Variants in SPAG16 observed in about 807,000 individuals in gnomAD.
The protein encoded by SPAG16 is sperm associated antigen 16.
A neutral mutation model predicts 80.4 loss-of-function variants in SPAG16; 86 were observed. The ratio of observed to expected loss-of-function variants is 1.07; its 90% CI spans 0.90 to 1.28. The LOEUF is 1.28. Among genes scored for constraint, SPAG16 ranks in the 50% most tolerant of loss-of-function variants. The probability of loss-of-function intolerance (pLI) is 0.00; values close to 1 mark genes in which losing one functional copy is unlikely to be tolerated. For synonymous variants in SPAG16, 294 were observed against 265.9 expected, an observed-to-expected ratio of 1.11 and a Z score of -1.03; for missense variants, 870 against 765.3, an observed-to-expected ratio of 1.14 and a Z score of -1.61.
intron 9 of SPAG16, among the ~76,000 whole-genome samples, chr2:213,434,748 A>G (rs537843640): frequency 5.9e-5 from 9 of 152,246 alleles, no homozygotes; most frequent in African/African-American, 1.4e-4. Context: ...TAAAACCACA[A>G]TGATATGTCA....
rs557015668 is a variant in SPAG16 at position 213,423,364 on chromosome 2, T to G, written c.942+48245T>G. On this transcript the variant is annotated intron_variant, in intron 9 of 15. Coordinates refer to ENST00000331683, the MANE Select transcript of SPAG16 (RefSeq NM_024532.5). Reference sequence around the variant, plus strand: ...TAAACAAATATGTAATTAAGAAATATTTTTAAATAGGGTTAGGTTACCTTA... The same window carrying G: ...TAAACAAATATGTAATTAAGAAATAGTTTTAAATAGGGTTAGGTTACCTTA... Among the ~76,000 whole-genome samples, 3 of 152,310 alleles carry G rather than the reference T, an allele frequency of 2.0e-5. No individual in the cohort carries two copies. In the South Asian group the frequency reaches 6.2e-4, roughly 32 times the overall value.
At chr2:214,228,690 A>G (rs1349627193) in intron 15 of SPAG16, among the ~76,000 whole-genome samples, 3 of 151,888 alleles carry the variant, frequency 2.0e-5, no homozygotes, top group East Asian at 1.9e-4. Flanking sequence ...TTTGACCTCA[A>G]ACTGATTCTG....
rs554238358 is a variant in SPAG16, at chr2:213,991,065, T to C, written c.1401-22886T>C. Among the ~76,000 whole-genome samples the C allele has an allele frequency of 3.9e-5, 6 of 152,232 alleles. No homozygotes were observed. The East Asian group carries it at 1.2e-3, about 29-fold the overall frequency. On this transcript the variant is annotated intron_variant, in intron 12 of 15. Coordinates refer to ENST00000331683, the MANE Select transcript of SPAG16 (RefSeq NM_024532.5). The stretch of plus-strand genomic sequence containing the variant: ...ACATGTGCAGAACGTGCAGGTTTGC[T>C]ACGTAGGTATACACGTGCCATGGTG...
chr2:214,066,463 T>C (rs1397730751), intron 13 of SPAG16, among the ~76,000 whole-genome samples: 1 of 152,178 alleles, frequency 6.6e-6, no homozygotes, highest in Non-Finnish European at 1.5e-5. Flanking sequence ...AGCATTTCCA[T>C]AAAACTTTAC....
intron 13 of SPAG16, among the ~76,000 whole-genome samples, chr2:214,085,026 G>T (rs949647830): frequency 6.6e-6 from 1 of 152,166 alleles, no homozygotes; most frequent in African/African-American, 2.4e-5. Flanking sequence ...TGGAAGAAAT[G>T]CTTCACAGAA....
chr2:214,159,050 A>G (rs2056334708), intron 15 of SPAG16, among the ~76,000 whole-genome samples: 1 of 151,982 alleles, frequency 6.6e-6, no homozygotes. Flanking sequence ...GTAACTATAC[A>G]CATCTTAGTA....
At chr2:213,399,505 T>G (rs941991526) in intron 9 of SPAG16, among the ~76,000 whole-genome samples, 6 of 152,044 alleles carry the variant, frequency 3.9e-5, no homozygotes, top group Non-Finnish European at 7.4e-5. Flanking sequence ...CTTTCATTCC[T>G]GGAATAAAAC....
chr2:214,023,917 T>C (rs1212815725), intron 13 of SPAG16, among the ~76,000 whole-genome samples: 2 of 151,758 alleles, frequency 1.3e-5, no homozygotes, highest in Admixed American at 1.3e-4. Context: ...TTAATTATAA[T>C]GACTATGTCC....
chr2:214,238,195 T>C (rs773590607), intron 15 of SPAG16: 3 of 435,990 alleles, frequency 6.9e-6, no homozygotes, highest in South Asian at 5.0e-5. Context: ...GCTTTCTTGA[T>C]GTTACCTCAA....
Position 214,118,549 on chromosome 2 carries a change from T to C in SPAG16, c.1593+10288T>C, listed in dbSNP as rs545832652. 1.2e-4 allele frequency among the ~76,000 whole-genome samples: 19 copies of C among 152,268 alleles called. No homozygotes were observed. The East Asian group carries it at 3.7e-3, about 29-fold the overall frequency. On this transcript the variant is annotated intron_variant, in intron 14 of 15. Coordinates refer to ENST00000331683, the MANE Select transcript of SPAG16 (RefSeq NM_024532.5). ...GGCAGAAGGGGAATCAAACACATCCTTCTTCACATGGTGGCGGCAGAAGTG... is the reference window on the plus strand; with the variant it reads ...GGCAGAAGGGGAATCAAACACATCCCTCTTCACATGGTGGCGGCAGAAGTG...
At chr2:214,357,157 G>GTA (rs1348192801) in intron 15 of SPAG16, among the ~76,000 whole-genome samples, 1 of 151,720 alleles carries the variant, frequency 6.6e-6, no homozygotes, top group African/African-American at 2.4e-5. Flanking sequence ...GCTACTTTAT[G>GTA]ATCTCCTTTG....
intron 15 of SPAG16, among the ~76,000 whole-genome samples, chr2:214,382,310 C>T (rs1032020730): frequency 6.6e-6 from 1 of 152,192 alleles, no homozygotes; most frequent in Non-Finnish European, 1.5e-5. Flanking sequence ...TGCATAATGG[C>T]TTTTTGTTAA....
At chr2:214,331,504 A>T (rs1224133283) in intron 15 of SPAG16, among the ~76,000 whole-genome samples, 3 of 152,206 alleles carry the variant, frequency 2.0e-5, no homozygotes, top group African/African-American at 7.2e-5. Context: ...GAAAGGAAAA[A>T]TTCTGCAATC....
At chr2:214,162,662 A>G (rs2056486616) in intron 15 of SPAG16, among the ~76,000 whole-genome samples, 1 of 152,084 alleles carries the variant, frequency 6.6e-6, no homozygotes, top group Non-Finnish European at 1.5e-5. Flanking sequence ...CCTTTCTAAT[A>G]TGCTGGTAAC....
intron 10 of SPAG16, among the ~76,000 whole-genome samples, chr2:213,809,960 T>C (rs932141835): frequency 3.3e-4 from 51 of 152,292 alleles, no homozygotes; most frequent in African/African-American, 1.2e-3. Flanking sequence ...GAGAGGTTAG[T>C]TTAGATGATA....
intron 12 of SPAG16, among the ~76,000 whole-genome samples, chr2:213,969,926 A>C (rs2044930913): frequency 1.3e-5 from 2 of 152,208 alleles, no homozygotes; most frequent in Admixed American, 6.5e-5. Context: ...AAAATGCCTT[A>C]GACTGAGTAA....
At chr2:213,442,720 AAAAT>A (rs1210463827) in intron 9 of SPAG16, among the ~76,000 whole-genome samples, 2 of 152,192 alleles carry the variant, frequency 1.3e-5, no homozygotes, top group Admixed American at 6.5e-5. Flanking sequence ...CACTCGTAAA[AAAAT>A]AAATCTAGAC....
chr2:213,901,435 C>A (rs2077216272), intron 11 of SPAG16, among the ~76,000 whole-genome samples: 1 of 152,056 alleles, frequency 6.6e-6, no homozygotes, highest in Admixed American at 6.6e-5. Context: ...GAGCAATAGC[C>A]TCAACAACAA....
rs1553515469 is a variant in SPAG16 at position 214,149,077 on chromosome 2, GTATA to G, written c.1594-46_1594-43del. The G allele has an allele frequency of 6.5e-3, 1,546 of 239,480 alleles. 3 individuals carry two copies. Among genetic ancestry groups the G allele is most frequent in the Middle Eastern group, 0.017 (13 of 770 alleles). The allele number at this position is 239,480 out of a possible 1,614,324, so 14.8% of individuals were successfully genotyped here. A position where few individuals can be genotyped will look rare whatever the true frequency, so the allele number is the denominator to read the frequency against. On this transcript the variant is annotated intron_variant, in intron 14 of 15. Coordinates refer to ENST00000331683, the MANE Select transcript of SPAG16 (RefSeq NM_024532.5). ...TGTATATATATATGTGTGTGTGTGTGTATATATATATATATATATACATACATAC... is the reference window on the plus strand; with the variant it reads ...TGTATATATATATGTGTGTGTGTGTGTATATATATATATATACATACATAC...
Sources: gnomAD v4.1 joint callset for allele counts (sites outside exome capture counted in the v4.1 genomes callset) on GRCh38, gnomAD v4.1.1 for gene constraint, MANE v1.5 for transcripts, NCBI Gene and HGNC (gene_info 2026-07-23, HGNC 2026-07-21) for gene names.